The following DMD variants were observed in gnomAD, a reference collection of about 807,000 sequenced individuals.
DMD encodes the protein dystrophin.
In DMD, 63 loss-of-function variants were observed where a neutral mutation model predicts 330.1. The observed-to-expected ratio is 0.19, with a 90% CI of 0.16 to 0.24. The LOEUF (loss-of-function observed/expected upper bound fraction) is 0.24, where lower values mean the gene tolerates loss of function less well. Ranked by LOEUF, DMD falls within the 10% of genes least tolerant of loss-of-function variation. The probability of loss-of-function intolerance (pLI) is 1.00; values close to 1 mark genes in which losing one functional copy is unlikely to be tolerated. For missense variants in DMD, 3,344 were observed against 2,684.1 expected (o/e 1.25, Z -5.43); for synonymous variants, 1,223 against 959.8 (o/e 1.27, Z -5.07).
chrX:31,758,611 T>C (rs1282731991), intron 51 of DMD, among the ~76,000 whole-genome samples: 3 of 111,712 alleles, frequency 2.7e-5, no homozygotes, highest in Non-Finnish European at 5.6e-5. Flanking sequence ...ATTGCCCTTT[T>C]GATTCCCTCT....
chrX:31,401,544 C>T (rs762066755), intron 60 of DMD, among the ~76,000 whole-genome samples: 2 of 111,296 alleles, frequency 1.8e-5, no homozygotes, highest in Non-Finnish European at 3.8e-5. Flanking sequence ...ATTTAATTCT[C>T]ATAACAACCC....
chrX:32,412,286 AG>A, intron 29 of DMD: 1 of 878,784 alleles, frequency 1.1e-6, no homozygotes, highest in Non-Finnish European at 1.5e-6. Context: ...TGCTTAGAAT[AG>A]GGTCATCGTC....
chrX:31,402,893 G>A (rs1402249918), intron 60 of DMD, among the ~76,000 whole-genome samples: 1 of 111,041 alleles, frequency 9.0e-6, no homozygotes, highest in Admixed American at 9.6e-5. Flanking sequence ...AGGAAACATG[G>A]GAAATGAAGA....
rs747600957 is a variant in DMD at position 31,490,361 on chromosome X, G to T, written c.8547+6427C>A. 2.6e-3 allele frequency among the ~76,000 whole-genome samples: 284 copies of T among 111,355 alleles called. 1 individual carries two copies. The highest frequency in any genetic ancestry group is 9.0e-3 in the African/African-American group (274 of 30,613). ...GTGGATCACGAGGTCAGGAGATCGA[G>T]ACCATCCTGGCTAACACGGTGAAAC... On this transcript the variant is annotated intron_variant, in intron 57 of 78. Transcript: ENST00000357033.
intron 54 of DMD, 89 bp from the exon 55 acceptor site, chrX:31,627,951 T>A: frequency 1.2e-6 from 1 of 852,362 alleles, no homozygotes; most frequent in Non-Finnish European, 1.7e-6. Context: ...ATGGAGGAAC[T>A]AAATTGTAAT....
intron 63 of DMD, 136 bp from the exon 64 acceptor site, chrX:31,223,257 A>G: frequency 1.8e-6 from 1 of 549,516 alleles, no homozygotes; most frequent in East Asian, 3.5e-5. Context: ...TGTATACGCC[A>G]AGCTTTCGGA....
In DMD at chrX:31,929,584, T is replaced by A. The variant is rs370001798; in HGVS notation, c.6912+12A>T. ...TTAACACATGTGACGGAAGAGATGG[T>A]TAATGTCTAACCTTTATCCACTGGA... On this transcript the variant is annotated intron_variant, in intron 47 of 78. Coordinates refer to ENST00000357033, the MANE Select transcript of DMD (RefSeq NM_004006.3). The A allele has an allele frequency of 1.7e-5, 21 of 1,207,780 alleles. No individual in the cohort carries two copies. The African/African-American group carries it at 3.3e-4, about 19-fold the overall frequency.
At chrX:31,378,533 G>A (rs777037165) in intron 60 of DMD, among the ~76,000 whole-genome samples, 13 of 110,747 alleles carry the variant, frequency 1.2e-4, no homozygotes, top group East Asian at 5.7e-4. Flanking sequence ...ATTTAATCAC[G>A]CGGGGATGCC....
intron 60 of DMD, among the ~76,000 whole-genome samples, chrX:31,427,996 T>C (rs1407950488): frequency 8.9e-6 from 1 of 112,302 alleles, no homozygotes; most frequent in Non-Finnish European, 1.9e-5. Flanking sequence ...TGTCTGCTAC[T>C]TAGATTTATC....
At chrX:31,643,991 ACT>A (rs1188855980) in intron 54 of DMD, among the ~76,000 whole-genome samples, 5 of 112,058 alleles carry the variant, frequency 4.5e-5, no homozygotes, top group African/African-American at 1.6e-4. Flanking sequence ...CACCATAGAT[ACT>A]TTCATTATAT....
Position 32,896,625 on chromosome X carries a change from T to TA in DMD, c.94-46806dup, listed in dbSNP as rs779595123. Among the ~76,000 whole-genome samples the TA allele has an allele frequency of 2.7e-5, 3 of 111,984 alleles. No individual in the cohort carries two copies. In the East Asian group the frequency reaches 8.4e-4, roughly 32 times the overall value. ...TCACGTAACACTCCAGTAACTAAGATAATTCACTTGACTGCAAGACAAGCA... is the reference window on the plus strand; with the variant it reads ...TCACGTAACACTCCAGTAACTAAGATAAATTCACTTGACTGCAAGACAAGCA... On this transcript the variant is annotated intron_variant, in intron 2 of 78. Transcript: ENST00000357033.
rs1182112455 is a variant in DMD at position 31,721,734 on chromosome X, A to ATCTATATC, written c.7660+7896_7660+7897insGATATAGA. 5.4e-5 allele frequency among the ~76,000 whole-genome samples: 5 copies of ATCTATATC among 92,634 alleles called. 1 individual carries two copies. Among genetic ancestry groups the ATCTATATC allele is most frequent in the African/African-American group, 2.1e-4 (5 of 24,363 alleles). The allele number at this position is 92,634 out of a possible 115,157, so 80.4% of individuals were successfully genotyped here. On this transcript the variant is annotated intron_variant, in intron 52 of 78. Transcript: ENST00000357033. The stretch of plus-strand genomic sequence containing the variant: ...TCTCTCTCTCTATATATATATATAT[A>ATCTATATC]TATATATATATCTCCTAATTATTAG...
intron 55 of DMD, among the ~76,000 whole-genome samples, chrX:31,548,635 C>T (rs1274444210): frequency 9.3e-6 from 1 of 107,420 alleles, no homozygotes; most frequent in Non-Finnish European, 1.9e-5. Flanking sequence ...AAGTGATCTG[C>T]CCTCCTCAGC....
chrX:32,142,199 T>C (rs1364164112), intron 44 of DMD, among the ~76,000 whole-genome samples: 1 of 111,168 alleles, frequency 9.0e-6, no homozygotes, highest in South Asian at 3.9e-4. Flanking sequence ...GAAGACACGA[T>C]TGCAGAGGAG....
chrX:32,691,728 T>C (rs1388057307), intron 9 of DMD, among the ~76,000 whole-genome samples: 3 of 111,427 alleles, frequency 2.7e-5, no homozygotes, highest in Non-Finnish European at 5.7e-5. Flanking sequence ...GCAACACCAT[T>C]CACAAGAGCC....
chrX:31,287,876 C>A (rs1237418195), intron 62 of DMD, among the ~76,000 whole-genome samples: 1 of 111,669 alleles, frequency 9.0e-6, no homozygotes, highest in Non-Finnish European at 1.9e-5. Flanking sequence ...CCTAATGAAT[C>A]TTTTCTGGTG....
At chrX:31,269,713 C>T (rs937533597) in intron 62 of DMD, among the ~76,000 whole-genome samples, 8 of 111,925 alleles carry the variant, frequency 7.1e-5, no homozygotes, top group African/African-American at 1.3e-4. Flanking sequence ...TCAAAGAAGG[C>T]GACCCAGTAC....
At chrX:32,815,520 T>TATATATATATATATATATATAC in intron 6 of DMD, among the ~76,000 whole-genome samples, 2 of 78,953 alleles carry the variant, frequency 2.5e-5, no homozygotes, top group African/African-American at 1.1e-4. Flanking sequence ...TATATATATA[T>TATATATATATATATATATATAC]ACACACACAC....
At chrX:32,951,884 G>A (rs1334261112) in intron 2 of DMD, among the ~76,000 whole-genome samples, 4 of 111,299 alleles carry the variant, frequency 3.6e-5, no homozygotes, top group Admixed American at 9.6e-5. Flanking sequence ...AAACCTTAAC[G>A]CAAATAAAGA....
Sources: allele counts gnomAD v4.1 joint callset (sites outside exome capture counted in the v4.1 genomes callset), GRCh38; gene constraint gnomAD v4.1.1; transcripts MANE v1.5; gene names NCBI Gene and HGNC (gene_info 2026-07-23, HGNC 2026-07-21).